HLF: variants seen among roughly 807,000 people sequenced by gnomAD.
The protein encoded by HLF is HLF transcription factor, PAR bZIP family member.
HLF carries 3 observed loss-of-function variants against 22.6 expected under a neutral mutation model. The ratio of observed to expected loss-of-function variants is 0.13; its 90% CI spans 0.06 to 0.34. The LOEUF is 0.34. HLF is among the 10% of genes least tolerant of loss of function. The probability of loss-of-function intolerance (pLI) is 1.00; values close to 1 mark genes in which losing one functional copy is unlikely to be tolerated. For synonymous variants in HLF, 151 were observed against 151.8 expected, an observed-to-expected ratio of 0.99 and a Z score of 0.04; for missense variants, 299 against 389.2, an observed-to-expected ratio of 0.77 and a Z score of 1.95.
intron 2 of HLF, among the ~76,000 whole-genome samples, chr17:55,301,096 A>G (rs2081153761): frequency 6.6e-6 from 1 of 152,004 alleles, no homozygotes; most frequent in Admixed American, 6.6e-5. Flanking sequence ...CAGGATGGCA[A>G]CTCCCTCTGA....
At chr17:55,295,083 T>A (rs910422628) in intron 2 of HLF, among the ~76,000 whole-genome samples, 5 of 152,226 alleles carry the variant, frequency 3.3e-5, no homozygotes, top group Non-Finnish European at 7.3e-5. Flanking sequence ...TTGAGAAGCT[T>A]ATGAATGGCG....
rs569377179 is a variant in HLF at position 55,287,229 on chromosome 17, G to T, written c.451+19143G>T. 2.9e-4 allele frequency among the ~76,000 whole-genome samples: 44 copies of T among 152,326 alleles called. 1 individual carries two copies. Among genetic ancestry groups the T allele is most frequent in the African/African-American group, 1.0e-3 (42 of 41,582 alleles). On this transcript the variant is annotated intron_variant, in intron 2 of 3. Coordinates refer to ENST00000226067, the MANE Select transcript of HLF (RefSeq NM_002126.5). ...CTGAAAGTGTTGAGAAATAGTTGAA[G>T]TTCAGAAGTTTTATTTGGAGCTTTG...
chr17:55,304,947 G>A (rs181647276), intron 2 of HLF, among the ~76,000 whole-genome samples: 36 of 152,348 alleles, frequency 2.4e-4, no homozygotes, highest in Non-Finnish European at 2.9e-4. Flanking sequence ...GAGCTACCTC[G>A]TGCAGGACAG....
At chr17:55,317,449 G>C (rs1567826901) in intron 3 of HLF, among the ~76,000 whole-genome samples, 1 of 152,124 alleles carries the variant, frequency 6.6e-6, no homozygotes, top group South Asian at 2.1e-4. Context: ...AATAACCCAG[G>C]TAACCTTGGC....
chr17:55,318,484 C>T (rs1009739969), intron 3 of HLF, among the ~76,000 whole-genome samples: 4 of 152,124 alleles, frequency 2.6e-5, no homozygotes, highest in Admixed American at 2.0e-4. Flanking sequence ...TTGGTTGTTA[C>T]CCTGAAGTCA....
intron 2 of HLF, among the ~76,000 whole-genome samples, chr17:55,312,091 G>A (rs1328352595): frequency 7.9e-5 from 12 of 152,160 alleles, no homozygotes; most frequent in African/African-American, 2.2e-4. Context: ...GGTTGATTCC[G>A]TGTCTTTGCT....
At chr17:55,318,740 G>T (rs1042126129) in intron 3 of HLF, among the ~76,000 whole-genome samples, 9 of 152,324 alleles carry the variant, frequency 5.9e-5, no homozygotes, top group African/African-American at 2.2e-4. Flanking sequence ...CAGGCACATT[G>T]TTGGGTATAG....
At chr17:55,282,201 T>C (rs1054369725) in intron 2 of HLF, among the ~76,000 whole-genome samples, 5 of 152,228 alleles carry the variant, frequency 3.3e-5, no homozygotes, top group Non-Finnish European at 7.3e-5. Flanking sequence ...CCGAATCTGG[T>C]ATTTAAAGGC....
chr17:55,290,745 A>C (rs1567817718), intron 2 of HLF, among the ~76,000 whole-genome samples: 1 of 152,218 alleles, frequency 6.6e-6, no homozygotes, highest in Non-Finnish European at 1.5e-5. Flanking sequence ...AGAAATGAGT[A>C]AGCTTAATTT....
intron 2 of HLF, among the ~76,000 whole-genome samples, chr17:55,309,142 A>G (rs1489888837): frequency 6.6e-6 from 1 of 152,200 alleles, no homozygotes; most frequent in East Asian, 1.9e-4. Context: ...GGAATAGGAC[A>G]TGAATGGGTT....
At chr17:55,266,698 G>A in intron 1 of HLF, 3 of 311,058 alleles carry the variant, frequency 9.6e-6, no homozygotes, top group Non-Finnish European at 9.4e-6. Context: ...AGATGAGATG[G>A]TAGAGGGTTA....
chr17:55,316,642 C>T (rs1005552601), intron 3 of HLF, among the ~76,000 whole-genome samples: 2 of 152,206 alleles, frequency 1.3e-5, no homozygotes, highest in African/African-American at 4.8e-5. Context: ...CTGAAGTCAG[C>T]GGATCACTAC....
chr17:55,273,112 G>A (rs1029986783), intron 2 of HLF: 1 of 152,250 alleles, frequency 6.6e-6, no homozygotes, highest in Non-Finnish European at 1.5e-5. Context: ...GGAAAGCAAG[G>A]CAACTTGGTG....
At chr17:55,269,591 G>A (rs1200263125) in intron 2 of HLF, among the ~76,000 whole-genome samples, 1 of 152,100 alleles carries the variant, frequency 6.6e-6, no homozygotes, top group Non-Finnish European at 1.5e-5. Flanking sequence ...ATCATTTCTT[G>A]GAGCCTCAGT....
At chr17:55,270,800 C>T (rs977892009) in intron 2 of HLF, among the ~76,000 whole-genome samples, 7 of 152,020 alleles carry the variant, frequency 4.6e-5, no homozygotes, top group Non-Finnish European at 8.8e-5. Flanking sequence ...AGCGCCACCA[C>T]GCCCGGCTAA....
intron 1 of HLF, chr17:55,266,779 C>G (rs1325779191): frequency 5.1e-6 from 5 of 981,584 alleles, no homozygotes; most frequent in Non-Finnish European, 4.8e-6. Flanking sequence ...ATCCCAGATT[C>G]CACCCACGAC....
intron 2 of HLF, among the ~76,000 whole-genome samples, chr17:55,302,241 A>G (rs1035889276): frequency 6.6e-6 from 1 of 152,244 alleles, no homozygotes; most frequent in Admixed American, 6.5e-5. Context: ...AATGACCAGC[A>G]GTCCACAGAT....
intron 2 of HLF, among the ~76,000 whole-genome samples, chr17:55,276,212 T>G (rs2080903219): frequency 6.6e-6 from 1 of 152,210 alleles, no homozygotes; most frequent in Non-Finnish European, 1.5e-5. Flanking sequence ...TGCTTTGGTG[T>G]TTTGATTTGT....
rs2080775336 is a variant in HLF, at chr17:55,265,091, TGCTGGCACTAGGG to T, written c.-388_-376del. ...GGGTGGGACGGCGCACCGCCTCCGG[TGCTGGCACTAGGG>T]GCTGGGGTCGGCGCGGTGTCTTCTG... On this transcript the variant is annotated 5_prime_UTR_variant, in exon 1 of 4. Transcript: ENST00000226067. 5.3e-6 allele frequency: 1 copy of T among 188,054 alleles called. No individual in the cohort carries two copies. The highest frequency in any genetic ancestry group is 8.3e-5 in the East Asian group (1 of 12,096). The allele number at this position is 188,054 out of a possible 1,614,324, so 11.6% of individuals were successfully genotyped here.
Sources: allele counts gnomAD v4.1 joint callset (sites outside exome capture counted in the v4.1 genomes callset), GRCh38; gene constraint gnomAD v4.1.1; transcripts MANE v1.5; gene names NCBI Gene and HGNC (gene_info 2026-07-23, HGNC 2026-07-21).